Variants in BRAP observed in about 807,000 individuals in gnomAD.
The protein encoded by BRAP is BRCA1 associated protein.
Under a neutral mutation model 73.4 loss-of-function variants are expected in BRAP, and 42 were observed. The ratio of observed to expected loss-of-function variants is 0.57; its 90% CI spans 0.45 to 0.74. The LOEUF (loss-of-function observed/expected upper bound fraction) is 0.74. Ranked by LOEUF, BRAP falls within the 30% of genes least tolerant of loss-of-function variation. The pLI, the probability that BRAP is intolerant of heterozygous loss-of-function variation, is 0.00. For missense variants in BRAP, 593 were observed against 751.4 expected (o/e 0.79, Z 2.46); for synonymous variants, 255 against 267.4 (o/e 0.95, Z 0.45).
chr12:111,647,210 G>A (rs900235786), intron 11 of BRAP, among the ~76,000 whole-genome samples: 3 of 152,140 alleles, frequency 2.0e-5, no homozygotes, highest in Non-Finnish European at 4.4e-5. Flanking sequence ...GCTGGAGGTT[G>A]CAGTGAACTA....
chr12:111,670,957 G>T (rs7967515), intron 5 of BRAP, among the ~76,000 whole-genome samples: 3 of 151,878 alleles, frequency 2.0e-5, no homozygotes, highest in African/African-American at 7.3e-5. Context: ...AAAAGTAGCC[G>T]GGAGTGATGG....
At chr12:111,668,866 C>G (rs533417836) in intron 5 of BRAP, among the ~76,000 whole-genome samples, 1 of 152,150 alleles carries the variant, frequency 6.6e-6, no homozygotes, top group South Asian at 2.1e-4. Flanking sequence ...CCATGTTAAC[C>G]AAGATGGTCT....
intron 4 of BRAP, among the ~76,000 whole-genome samples, chr12:111,673,935 C>T (rs911372929): frequency 6.6e-6 from 1 of 152,150 alleles, no homozygotes; most frequent in Non-Finnish European, 1.5e-5. Flanking sequence ...TTAAACTCAG[C>T]CAATTTTTTA....
At chr12:111,671,444 G>A (rs550105188) in intron 5 of BRAP, among the ~76,000 whole-genome samples, 1 of 152,208 alleles carries the variant, frequency 6.6e-6, no homozygotes, top group South Asian at 2.1e-4. Flanking sequence ...CAGCTACTCA[G>A]GAGGGTGAGG....
intron 4 of BRAP, among the ~76,000 whole-genome samples, chr12:111,677,881 T>A (rs549841614): frequency 6.6e-6 from 1 of 152,318 alleles, no homozygotes; most frequent in Non-Finnish European, 1.5e-5. Flanking sequence ...ATAATAACTG[T>A]GTACTCTCTT....
intron 3 of BRAP, among the ~76,000 whole-genome samples, chr12:111,680,255 G>A (rs1223083361): frequency 6.6e-6 from 1 of 151,948 alleles, no homozygotes; most frequent in Non-Finnish European, 1.5e-5. Context: ...CGCCCGGCAA[G>A]AGAGAATTCT....
chr12:111,682,111 G>A (rs796474476), intron 2 of BRAP, among the ~76,000 whole-genome samples: 22 of 152,244 alleles, frequency 1.4e-4, no homozygotes, highest in African/African-American at 4.3e-4. Context: ...CTTCTATCAC[G>A]AAATCCTAAC....
In BRAP at chr12:111,672,565, G is replaced by A. The variant is rs911521184; in HGVS notation, c.747+96C>T. 2.9e-6 allele frequency: 3 copies of A among 1,034,566 alleles called. No individual in the cohort carries two copies. In the African/African-American group the frequency reaches 4.8e-5, roughly 17 times the overall value. 64.1% of individuals were successfully genotyped at this position (1,034,566 alleles called of 1,614,324 possible). Reference sequence around the variant, plus strand: ...CACCAGTCTACTTTCTGTGTCTATGGACTGGCCTATTCTGGGTATTTCACA... The same window carrying A: ...CACCAGTCTACTTTCTGTGTCTATGAACTGGCCTATTCTGGGTATTTCACA... On this transcript the variant is annotated intron_variant, in intron 5 of 11. Coordinates refer to ENST00000419234, the MANE Select transcript of BRAP (RefSeq NM_006768.5).
intron 10 of BRAP, among the ~76,000 whole-genome samples, chr12:111,650,491 C>T (rs1284311582): frequency 6.6e-6 from 1 of 152,222 alleles, no homozygotes; most frequent in African/African-American, 2.4e-5. Context: ...GTCTCGAACA[C>T]CTGACCTCAG....
At chr12:111,681,606 A>T in intron 3 of BRAP, 31 bp downstream of exon 3, 4 of 1,387,770 alleles carry the variant, frequency 2.9e-6, no homozygotes, top group Non-Finnish European at 3.0e-6. Flanking sequence ...AAAAAAATTG[A>T]CTAACCCCCA....
chr12:111,665,837 T>G lies in BRAP; in HGVS notation c.748-50A>C. The G allele has an allele frequency of 1.2e-6, 2 of 1,607,290 alleles. No homozygotes were observed. The highest frequency in any genetic ancestry group is 2.2e-5 in the East Asian group (1 of 44,758). ...CTCACTCTTCATCTACCAGCAATACTTTATTTTTCCTTCTTTTTTCTGAGA... is the reference window on the plus strand; with the variant it reads ...CTCACTCTTCATCTACCAGCAATACGTTATTTTTCCTTCTTTTTTCTGAGA... On this transcript the variant is annotated intron_variant, in intron 5 of 11. Transcript: ENST00000419234. The surrounding 1 kb of genome is among the most constrained non-coding windows in gnomAD (Gnocchi z 4.3).
rs189733447 is a variant in BRAP, at chr12:111,664,221, A to C, written c.896+1418T>G. ...ATGGTGCACACCTGTAGTCCCAGCT[A>C]CTTGGGAAGCTGAGGCGAGAGGATC... On this transcript the variant is annotated intron_variant, in intron 6 of 11. Transcript: ENST00000419234. Among the ~76,000 whole-genome samples the C allele has an allele frequency of 1.2e-4, 18 of 152,292 alleles. 1 individual carries two copies. Among genetic ancestry groups the C allele is most frequent in the Admixed American group, 1.2e-3 (18 of 15,284 alleles).
intron 5 of BRAP, among the ~76,000 whole-genome samples, chr12:111,666,533 C>T (rs111435957): frequency 3.9e-5 from 6 of 152,100 alleles, no homozygotes; most frequent in Non-Finnish European, 7.4e-5. Context: ...AAAACAGATA[C>T]GTTAAGTCCA....
chr12:111,679,129 T>C (rs201494961), intron 4 of BRAP, 22 bp downstream of exon 4: 2 of 1,440,560 alleles, frequency 1.4e-6, no homozygotes, highest in South Asian at 3.3e-5. Flanking sequence ...AAGAGATTTT[T>C]AATAAATTTA....
chr12:111,644,462 T>C lies in BRAP; in HGVS notation c.1516A>G (p.Asn506Asp). The C allele has an allele frequency of 6.2e-7, 1 of 1,614,176 alleles. No homozygotes were observed. The highest frequency in any genetic ancestry group is 8.5e-7 in the Non-Finnish European group (1 of 1,180,032). Reference sequence around the variant, plus strand: ...ACCCTCTCCTCCTCTTTTAGCTTGTTCTGCAGGAGGACTTGGTTGGCTCGC... The same window carrying C: ...ACCCTCTCCTCCTCTTTTAGCTTGTCCTGCAGGAGGACTTGGTTGGCTCGC... ...CLRANQVLLQ[N>D]KLKEEERVLK... Residue 506 changes from asparagine (N) to aspartate (D), a missense_variant, in exon 12 of 12, where the codon AAC (asparagine) becomes GAC (aspartate). Around this residue, in one of 4 missense-constraint regions of BRAP, gnomAD observed 143 missense variants for 190.4 expected, o/e 0.75. Transcript: ENST00000419234.
Position 111,672,683 on chromosome 12 carries a change from G to A in BRAP, c.725C>T (p.Ala242Val). The A allele has an allele frequency of 6.2e-7, 1 of 1,613,654 alleles. No homozygotes were observed. Among genetic ancestry groups the A allele is most frequent in the Non-Finnish European group, 8.5e-7 (1 of 1,179,816 alleles). Residue 242 changes from alanine (A) to valine (V), a missense_variant, in exon 5 of 12, where the codon GCT becomes GTT. Coordinates refer to ENST00000419234, the MANE Select transcript of BRAP (RefSeq NM_006768.5). The part of the protein sequence containing the change: ...DVCQLVYVER[A>V]EVLKSEDGAS... ...TACATCTTCAGATTTGAGCACTTCA[G>A]CTCTTTCCACATACACTAGCTGGCA...
At chr12:111,645,826 A>C (rs1002008444) in intron 11 of BRAP, among the ~76,000 whole-genome samples, 4 of 152,110 alleles carry the variant, frequency 2.6e-5, no homozygotes, top group Non-Finnish European at 5.9e-5. Flanking sequence ...CTGTCTCTAC[A>C]CAAAATCAAA....
At chr12:111,659,047 G>T (rs1027065830) in intron 8 of BRAP, among the ~76,000 whole-genome samples, 160 bp downstream of exon 8, 3 of 152,112 alleles carry the variant, frequency 2.0e-5, no homozygotes, top group Non-Finnish European at 4.4e-5. Context: ...TGTGATTCAA[G>T]ACATTCCTAG....
chr12:111,676,595 G>T (rs1887390953), intron 4 of BRAP, among the ~76,000 whole-genome samples: 1 of 152,116 alleles, frequency 6.6e-6, no homozygotes, highest in Admixed American at 6.6e-5. Context: ...TATATTTTTA[G>T]TAGACATAAG....
Sources: gnomAD v4.1 joint callset for allele counts (sites outside exome capture counted in the v4.1 genomes callset) on GRCh38, gnomAD v4.1.1 for gene constraint, gnomAD v4.1.1 regional missense constraint, Gnocchi (gnomAD v3.1) non-coding constraint, MANE v1.5 for transcripts, NCBI Gene and HGNC (gene_info 2026-07-23, HGNC 2026-07-21) for gene names.